The following SLC24A3 variants were observed in gnomAD, a reference collection of about 807,000 sequenced individuals.
The protein encoded by SLC24A3 is solute carrier family 24 member 3, also known as sodium/potassium/calcium exchanger 3.
SLC24A3 carries 28 observed loss-of-function variants against 75.8 expected under a neutral mutation model. That is an observed-to-expected ratio of 0.37 (90% confidence interval 0.27 to 0.51). The LOEUF is 0.51. SLC24A3 is among the 20% of genes least tolerant of loss of function. SLC24A3 has a pLI of 0.94. For missense variants in SLC24A3, 663 were observed against 847.8 expected, an observed-to-expected ratio of 0.78 and a Z score of 2.71; for synonymous variants, 372 against 334.1, an observed-to-expected ratio of 1.11 and a Z score of -1.24.
chr20:19,478,101 A>C (rs1004159808), intron 2 of SLC24A3, among the ~76,000 whole-genome samples: 13 of 152,168 alleles, frequency 8.5e-5, no homozygotes, highest in African/African-American at 2.9e-4. Flanking sequence ...CAGGGATTTC[A>C]TTTAGTGATC....
intron 2 of SLC24A3, among the ~76,000 whole-genome samples, chr20:19,439,406 A>G (rs1987262511): frequency 6.6e-6 from 1 of 152,248 alleles, no homozygotes; most frequent in Non-Finnish European, 1.5e-5. Context: ...CAAAAATTAT[A>G]TATTGGGACA....
At chr20:19,711,612 A>T (rs1302769255) in intron 15 of SLC24A3, among the ~76,000 whole-genome samples, 1 of 151,536 alleles carries the variant, frequency 6.6e-6, no homozygotes. Flanking sequence ...AAACACACAC[A>T]CCCATGCTCA....
At position 19,541,953 on chromosome 20, in the gene SLC24A3, A is replaced by G. The variant is rs114081881; in HGVS notation, c.348+26389A>G. On this transcript the variant is annotated intron_variant, in intron 3 of 16. Transcript: ENST00000328041. ...AAGGGGAGCAAGGAACAGGGAGAGG[A>G]AAAAGCCTCAGCTCCTGCCCTTCCA... is the stretch of plus-strand genomic sequence containing the variant. 6.1e-3 allele frequency among the ~76,000 whole-genome samples: 930 copies of G among 152,276 alleles called. 10 individuals are homozygous for G. Among genetic ancestry groups the G allele is most frequent in the African/African-American group, 0.021 (870 of 41,560 alleles).
At chr20:19,553,948 G>C (rs1467583889) in intron 3 of SLC24A3, among the ~76,000 whole-genome samples, 2 of 152,196 alleles carry the variant, frequency 1.3e-5, no homozygotes, top group African/African-American at 4.8e-5. Flanking sequence ...GGCAGAGTTT[G>C]TCAAAAGGAG....
chr20:19,231,641 C>G (rs1982026732), intron 1 of SLC24A3, among the ~76,000 whole-genome samples: 1 of 152,222 alleles, frequency 6.6e-6, no homozygotes. Flanking sequence ...CCTGCTGACA[C>G]ATTAAATTTA....
chr20:19,247,199 A>G (rs1167223014), intron 1 of SLC24A3, among the ~76,000 whole-genome samples: 2 of 152,210 alleles, frequency 1.3e-5, no homozygotes, highest in South Asian at 2.1e-4. Context: ...AGCAGGGCCA[A>G]TGACTCCAGT....
chr20:19,397,822 T>A (rs1328734031), intron 2 of SLC24A3, among the ~76,000 whole-genome samples: 1 of 152,004 alleles, frequency 6.6e-6, no homozygotes, highest in Non-Finnish European at 1.5e-5. Context: ...GGCTGTTGTG[T>A]GAGAGTCTGA....
intron 2 of SLC24A3, among the ~76,000 whole-genome samples, chr20:19,288,787 C>A (rs1028907872): frequency 6.6e-6 from 1 of 152,216 alleles, no homozygotes; most frequent in Non-Finnish European, 1.5e-5. Context: ...TAAGCCAGGG[C>A]TCAACAAACA....
chr20:19,582,512 A>G (rs1343444091), intron 4 of SLC24A3, among the ~76,000 whole-genome samples: 2 of 152,328 alleles, frequency 1.3e-5, no homozygotes, highest in East Asian at 3.9e-4. Flanking sequence ...AAGAAAAGAA[A>G]ATGGGAGAAA....
At chr20:19,559,594 A>G (rs6081655) in intron 3 of SLC24A3, among the ~76,000 whole-genome samples, 8,459 of 151,886 alleles carry the variant, frequency 0.056, 352 homozygotes, top group Middle Eastern at 0.11. Flanking sequence ...TTTCTCCTAT[A>G]TTTTCTTCTA....
At chr20:19,458,614 G>T (rs1987618533) in intron 2 of SLC24A3, among the ~76,000 whole-genome samples, 1 of 152,140 alleles carries the variant, frequency 6.6e-6, no homozygotes, top group African/African-American at 2.4e-5. Context: ...CCTCATATAA[G>T]TGGAATCATA....
intron 2 of SLC24A3, among the ~76,000 whole-genome samples, chr20:19,466,171 A>G (rs186856109): frequency 6.6e-6 from 1 of 152,372 alleles, no homozygotes; most frequent in East Asian, 1.9e-4. Flanking sequence ...AGGAGTCTAA[A>G]TAATAAATCT....
chr20:19,530,904 C>G (rs531648769), intron 3 of SLC24A3, among the ~76,000 whole-genome samples: 2 of 152,310 alleles, frequency 1.3e-5, no homozygotes, highest in Admixed American at 1.3e-4. Flanking sequence ...TGGGGTTAGA[C>G]AGAGTCACCT....
intron 6 of SLC24A3, among the ~76,000 whole-genome samples, chr20:19,636,008 C>T (rs901837266): frequency 9.9e-5 from 15 of 152,078 alleles, no homozygotes; most frequent in Admixed American, 3.3e-4. Context: ...GGCGTGGTGG[C>T]GGGCGCCTGT....
At chr20:19,304,083 G>A (rs970304192) in intron 2 of SLC24A3, among the ~76,000 whole-genome samples, 9 of 152,036 alleles carry the variant, frequency 5.9e-5, no homozygotes, top group South Asian at 2.1e-4. Context: ...TAATTTCAAC[G>A]GAATATAATG....
chr20:19,383,346 A>G lies in SLC24A3; in HGVS notation c.271+102259A>G, dbSNP rs535018387. 6.0e-4 allele frequency among the ~76,000 whole-genome samples: 91 copies of G among 152,296 alleles called. 1 individual carries two copies. The highest frequency in any genetic ancestry group is 2.1e-3 in the African/African-American group (87 of 41,560). On this transcript the variant is annotated intron_variant, in intron 2 of 16. Coordinates refer to ENST00000328041, the MANE Select transcript of SLC24A3 (RefSeq NM_020689.4). ...ATTGCCAGAAAAGATAGGGGAGACAAACTGTTTCCTTTAACAGTCTTCTAT... is the reference window on the plus strand; with the variant it reads ...ATTGCCAGAAAAGATAGGGGAGACAGACTGTTTCCTTTAACAGTCTTCTAT...
intron 7 of SLC24A3, among the ~76,000 whole-genome samples, chr20:19,664,144 A>G (rs914585972): frequency 1.3e-5 from 2 of 152,196 alleles, no homozygotes; most frequent in Non-Finnish European, 2.9e-5. Context: ...TGCTGCAAGG[A>G]CTAATATTGA....
chr20:19,268,228 G>A (rs1200053200), intron 1 of SLC24A3, among the ~76,000 whole-genome samples: 1 of 152,176 alleles, frequency 6.6e-6, no homozygotes, highest in Admixed American at 6.5e-5. Context: ...CTTCTATTAT[G>A]TAAATTATGG....
intron 3 of SLC24A3, among the ~76,000 whole-genome samples, chr20:19,550,578 G>T (rs2030676826): frequency 6.6e-6 from 1 of 152,188 alleles, no homozygotes; most frequent in Non-Finnish European, 1.5e-5. Context: ...GTGTGAAGGT[G>T]TGCATGTGTA....
Sources: allele counts gnomAD v4.1 joint callset (sites outside exome capture counted in the v4.1 genomes callset), GRCh38; gene constraint gnomAD v4.1.1; transcripts MANE v1.5; gene names NCBI Gene and HGNC (gene_info 2026-07-23, HGNC 2026-07-21).